The following PTPN18 variants were observed in gnomAD, a reference collection of about 807,000 sequenced individuals.
PTPN18 encodes the protein protein tyrosine phosphatase non-receptor type 18, also known as tyrosine-protein phosphatase non-receptor type 18.
Under a neutral mutation model 65.4 loss-of-function variants are expected in PTPN18, and 65 were observed. The ratio of observed to expected loss-of-function variants is 0.99; its 90% CI spans 0.81 to 1.22. The LOEUF (loss-of-function observed/expected upper bound fraction) is 1.22. PTPN18 is among the 50% of genes most tolerant of loss of function. The pLI is 0.00. For missense variants in PTPN18, 616 were observed against 646.5 expected (o/e 0.95, Z 0.51); for synonymous variants, 255 against 267.8 (o/e 0.95, Z 0.47).
rs747431742 is a variant in PTPN18 at position 130,373,235 on chromosome 2, A to G, written c.*11A>G. 1.3e-6 allele frequency: 2 copies of G among 1,576,676 alleles called. No homozygotes were observed. Among genetic ancestry groups the G allele is most frequent in the African/African-American group, 1.4e-5 (1 of 73,150 alleles). ...TGGACCCGGGTGTAAGTCTAACGCC[A>G]GTTCCTGCCTGTTGCCTCTTGTGAG... On this transcript the variant is annotated 3_prime_UTR_variant, in exon 15 of 15. Transcript: ENST00000175756. This position sits in a 1 kb window ranked among gnomAD's most constrained non-coding sequence, Gnocchi z 4.1.
chr2:130,362,897 G>T (rs907202952), intron 5 of PTPN18, among the ~76,000 whole-genome samples: 1 of 152,000 alleles, frequency 6.6e-6, no homozygotes. Flanking sequence ...TCAGCTCGCT[G>T]CAACCTCCGC....
At chr2:130,357,151 G>T (rs1680001023) in intron 1 of PTPN18, among the ~76,000 whole-genome samples, 3 of 152,168 alleles carry the variant, frequency 2.0e-5, no homozygotes, top group Admixed American at 2.0e-4. Flanking sequence ...TGGTTCCACT[G>T]CACAGCTGAG....
Position 130,356,074 on chromosome 2 carries a change from G to A in PTPN18, c.-34G>A. ...GGCGTCCACACTCGCCGCGCGCGCG[G>A]CGGCCGGGCTGGACCTTGCTGGCCC... On this transcript the variant is annotated 5_prime_UTR_variant, in exon 1 of 15. Transcript: ENST00000175756. 2 of 1,216,756 alleles carry A rather than the reference G, an allele frequency of 1.6e-6. No homozygotes were observed. The highest frequency in any genetic ancestry group is 3.5e-5 in the South Asian group (1 of 28,638). 75.4% of individuals were successfully genotyped at this position (1,216,756 alleles called of 1,614,324 possible).
rs1339236592 is a variant in PTPN18 at position 130,370,033 on chromosome 2, T to G, written c.547-15T>G. Reference sequence around the variant, plus strand: ...TTTTTCCTAAGTCTTTTGCTCATCTTTTTCTGTGTTTCAGGAGTCCCGTTC... The same window carrying G: ...TTTTTCCTAAGTCTTTTGCTCATCTGTTTCTGTGTTTCAGGAGTCCCGTTC... On this transcript the variant is annotated splice_polypyrimidine_tract_variant and intron_variant, in intron 7 of 14. Coordinates refer to ENST00000175756, the MANE Select transcript of PTPN18 (RefSeq NM_014369.4). The G allele has an allele frequency of 6.2e-7, 1 of 1,612,216 alleles. No individual in the cohort carries two copies. The highest frequency in any genetic ancestry group is 8.5e-7 in the Non-Finnish European group (1 of 1,178,866).
rs776319070 is a variant in PTPN18, at chr2:130,369,844, G to A, written c.546+17G>A. 1.9e-6 allele frequency: 3 copies of A among 1,582,344 alleles called. No homozygotes were observed. Among genetic ancestry groups the A allele is most frequent in the African/African-American group, 1.3e-5 (1 of 74,286 alleles). On this transcript the variant is annotated intron_variant, in intron 7 of 14. Coordinates refer to ENST00000175756, the MANE Select transcript of PTPN18 (RefSeq NM_014369.4). The stretch of plus-strand genomic sequence containing the variant: ...TTCCAGAAGGTACTGTGACAGGGGA[G>A]GAGGAGGTAAAGGGGCTCCTGAAAG...
At chr2:130,367,904 C>G (rs905616757) in intron 5 of PTPN18, among the ~76,000 whole-genome samples, 1 of 152,106 alleles carries the variant, frequency 6.6e-6, no homozygotes, top group African/African-American at 2.4e-5. Context: ...TGCACATACA[C>G]TAGACTGGTA....
intron 5 of PTPN18, among the ~76,000 whole-genome samples, chr2:130,361,972 TG>T (rs1313761389): frequency 6.6e-6 from 1 of 151,722 alleles, no homozygotes; most frequent in African/African-American, 2.4e-5. Flanking sequence ...GTGTGTTTCT[TG>T]TAGGTGGTGT....
chr2:130,357,805 G>A (rs1033213789), intron 1 of PTPN18, among the ~76,000 whole-genome samples: 4 of 146,846 alleles, frequency 2.7e-5, no homozygotes, highest in Admixed American at 6.8e-5. Flanking sequence ...GCAGTGAGCC[G>A]AGATCGCGCC....
intron 8 of PTPN18, 128 bp from the exon 9 acceptor site, chr2:130,370,429 C>G: frequency 8.1e-7 from 1 of 1,228,708 alleles, no homozygotes; most frequent in Non-Finnish European, 1.2e-6. Flanking sequence ...CAGATATAAT[C>G]TGAAGATTCT....
rs760293720 is a variant in PTPN18, at chr2:130,369,115, C to T, written c.415-18C>T. The T allele has an allele frequency of 5.3e-5, 85 of 1,601,304 alleles. No individual in the cohort carries two copies. The Admixed American group carries it at 1.4e-3, about 26-fold the overall frequency. ...TCCCTCTTCTCACTCCCTGCCTTTTCTCCCTTACCTTTTGCAGAAAAGGTG... is the reference window on the plus strand; with the variant it reads ...TCCCTCTTCTCACTCCCTGCCTTTTTTCCCTTACCTTTTGCAGAAAAGGTG... On this transcript the variant is annotated intron_variant, in intron 5 of 14. Coordinates refer to ENST00000175756, the MANE Select transcript of PTPN18 (RefSeq NM_014369.4).
rs1320077308 is a variant in PTPN18, at chr2:130,358,955, G to T, written c.182G>T (p.Arg61Leu). The change falls in exon 2 of 15, where the codon CGC becomes CTC. Residue 61 changes from arginine (R) to leucine (L), a missense_variant. Around this residue, in one of 3 missense-constraint regions of PTPN18, gnomAD observed 223 missense variants for 210.0 expected, o/e 1.06. Transcript: ENST00000175756. ...GSRPENVRKN[R>L]YKDVLPYDQT... ...CGGCCAGAGAACGTGAGGAAGAACCGCTACAAAGACGTGCTGCCTTGTAAG... is the reference window on the plus strand; with the variant it reads ...CGGCCAGAGAACGTGAGGAAGAACCTCTACAAAGACGTGCTGCCTTGTAAG... 6 of 1,614,148 alleles carry T rather than the reference G, an allele frequency of 3.7e-6. No individual in the cohort carries two copies. The South Asian group carries it at 5.5e-5, about 15-fold the overall frequency.
chr2:130,359,337 G>A (rs771755224), intron 3 of PTPN18, 28 bp downstream of exon 3: 1 of 1,614,096 alleles, frequency 6.2e-7, no homozygotes, highest in Non-Finnish European at 8.5e-7. Context: ...GGAAGGAGGT[G>A]GACTGGGAGT....
chr2:130,359,805 T>TA, intron 5 of PTPN18, 159 bp downstream of exon 5: 1 of 892,684 alleles, frequency 1.1e-6, no homozygotes, highest in East Asian at 2.6e-5. Flanking sequence ...TTTTTGTTGA[T>TA]ATGTTATTCA....
chr2:130,372,512 C>A (rs369797210), intron 13 of PTPN18, 29 bp downstream of exon 13: 4 of 1,391,480 alleles, frequency 2.9e-6, no homozygotes, highest in African/African-American at 1.5e-5. Context: ...CTTCTCAGGG[C>A]ATCATCCTGC....
chr2:130,370,325 A>G, intron 8 of PTPN18, 135 bp downstream of exon 8: 1 of 1,353,444 alleles, frequency 7.4e-7, no homozygotes. Context: ...ATGGACTGTA[A>G]TTGTGAGCAC....
chr2:130,372,684 G>C, intron 13 of PTPN18, 189 bp from the exon 14 acceptor site: 2 of 964,722 alleles, frequency 2.1e-6, no homozygotes, highest in Non-Finnish European at 1.5e-6. Flanking sequence ...TCCAGGGGCA[G>C]GGTTCCTGGC....
intron 11 of PTPN18, 39 bp downstream of exon 11, chr2:130,371,003 G>A (rs1680546361): frequency 1.3e-6 from 2 of 1,593,578 alleles, no homozygotes; most frequent in Admixed American, 1.7e-5. Flanking sequence ...TCCACCATCA[G>A]CACCCTCAGA....
At chr2:130,357,599 A>G (rs1475400194) in intron 1 of PTPN18, among the ~76,000 whole-genome samples, 9 of 152,130 alleles carry the variant, frequency 5.9e-5, no homozygotes, top group South Asian at 2.1e-4. Flanking sequence ...GCTCACGCCT[A>G]TAATCCCAGC....
Position 130,373,134 on chromosome 2 carries a change from C to A in PTPN18, c.1316-23C>A. ...ACACACCTCAGCTTCTCCATGAGACCCACGGCACCCTTCTTCTCCCAGGTT... is the reference window on the plus strand; with the variant it reads ...ACACACCTCAGCTTCTCCATGAGACACACGGCACCCTTCTTCTCCCAGGTT... On this transcript the variant is annotated intron_variant, in intron 14 of 14. Coordinates refer to ENST00000175756, the MANE Select transcript of PTPN18 (RefSeq NM_014369.4). This position sits in a 1 kb window ranked among gnomAD's most constrained non-coding sequence, Gnocchi z 4.1. 6.4e-7 allele frequency: 1 copy of A among 1,560,308 alleles called. No homozygotes were observed. Among genetic ancestry groups the A allele is most frequent in the South Asian group, 1.2e-5 (1 of 83,270 alleles).
Sources: gnomAD v4.1 joint callset for allele counts (sites outside exome capture counted in the v4.1 genomes callset) on GRCh38, gnomAD v4.1.1 for gene constraint, gnomAD v4.1.1 regional missense constraint, Gnocchi (gnomAD v3.1) non-coding constraint, MANE v1.5 for transcripts, NCBI Gene and HGNC (gene_info 2026-07-23, HGNC 2026-07-21) for gene names.